PAPSS1: variants seen among roughly 807,000 people sequenced by gnomAD.
The protein encoded by PAPSS1 is 3'-phosphoadenosine 5'-phosphosulfate synthase 1, also known as bifunctional 3'-phosphoadenosine 5'-phosphosulfate synthase 1.
PAPSS1 carries 50 observed loss-of-function variants against 72.0 expected under a neutral mutation model. The observed-to-expected ratio is 0.69, with a 90% CI of 0.55 to 0.88. The LOEUF (loss-of-function observed/expected upper bound fraction) is 0.88. Ranked by LOEUF, PAPSS1 falls within the 40% of genes least tolerant of loss-of-function variation. The pLI is 0.00. For synonymous variants in PAPSS1, 261 were observed against 263.6 expected (o/e 0.99, Z 0.09); for missense variants, 657 against 782.2 (o/e 0.84, Z 1.91).
chr4:107,719,738 T>G, intron 1 of PAPSS1: 2 of 979,542 alleles, frequency 2.0e-6, no homozygotes, highest in Non-Finnish European at 2.5e-6. Context: ...TTCAGGCCAC[T>G]CCAAGGTATG....
At chr4:107,634,441 G>A (rs115919600) in intron 10 of PAPSS1, among the ~76,000 whole-genome samples, 4,557 of 152,224 alleles carry the variant, frequency 0.03, 218 homozygotes, top group African/African-American at 0.1. Flanking sequence ...GTGCATCTGA[G>A]GTTCATGCAA....
At chr4:107,663,296 T>C (rs3805344) in intron 5 of PAPSS1, among the ~76,000 whole-genome samples, 1 of 151,996 alleles carries the variant, frequency 6.6e-6, no homozygotes, top group African/African-American at 2.4e-5. Flanking sequence ...GAGGGCAAAG[T>C]CTTTTTATAT....
chr4:107,673,772 A>C (rs924675045), intron 5 of PAPSS1, among the ~76,000 whole-genome samples: 1 of 152,202 alleles, frequency 6.6e-6, no homozygotes, highest in African/African-American at 2.4e-5. Context: ...GAAATGAAGG[A>C]AAAAATGTTA....
At chr4:107,674,617 A>G (rs961335733) in intron 5 of PAPSS1, among the ~76,000 whole-genome samples, 1 of 147,634 alleles carries the variant, frequency 6.8e-6, no homozygotes, top group African/African-American at 2.5e-5. Flanking sequence ...AACATTAGAC[A>G]GATCCACGAG....
chr4:107,645,320 G>A (rs972769513), intron 9 of PAPSS1, among the ~76,000 whole-genome samples: 1 of 151,828 alleles, frequency 6.6e-6, no homozygotes. Flanking sequence ...TAACAATCAT[G>A]GATTTATAAG....
At chr4:107,624,301 A>G (rs1435749376) in intron 11 of PAPSS1, among the ~76,000 whole-genome samples, 1 of 152,240 alleles carries the variant, frequency 6.6e-6, no homozygotes, top group East Asian at 1.9e-4. Context: ...TTGGTCAAGC[A>G]AGTGCTAACT....
At chr4:107,629,066 A>C (rs1409086531) in intron 11 of PAPSS1, among the ~76,000 whole-genome samples, 2 of 152,230 alleles carry the variant, frequency 1.3e-5, no homozygotes, top group Admixed American at 1.3e-4. Flanking sequence ...TTTTTCACCA[A>C]AATAAACTCA....
chr4:107,700,427 G>C (rs1372925682), intron 2 of PAPSS1, among the ~76,000 whole-genome samples: 1 of 152,156 alleles, frequency 6.6e-6, no homozygotes, highest in Non-Finnish European at 1.5e-5. Context: ...CAAGACTCTA[G>C]GGAAACAATC....
chr4:107,709,168 A>G (rs563946039), intron 1 of PAPSS1, among the ~76,000 whole-genome samples: 109 of 152,358 alleles, frequency 7.2e-4, no homozygotes, highest in African/African-American at 2.5e-3. Flanking sequence ...GTTTTTAACA[A>G]TATTTTTCAT....
intron 6 of PAPSS1, 65 bp downstream of exon 6, chr4:107,659,894 C>T: frequency 1.1e-6 from 1 of 889,500 alleles, no homozygotes. Flanking sequence ...CTATAAGTCA[C>T]AAATTTAACA....
At chr4:107,648,869 A>T (rs1162005928) in intron 9 of PAPSS1, among the ~76,000 whole-genome samples, 2 of 152,124 alleles carry the variant, frequency 1.3e-5, no homozygotes, top group African/African-American at 4.8e-5. Context: ...TCTTTCTTTT[A>T]CTCAAACTGC....
intron 2 of PAPSS1, among the ~76,000 whole-genome samples, chr4:107,699,197 C>T (rs983159299): frequency 6.6e-6 from 1 of 151,572 alleles, no homozygotes; most frequent in African/African-American, 2.4e-5. Flanking sequence ...AATGCAATCC[C>T]AAACTAAATA....
chr4:107,660,932 G>A (rs1727163990), intron 5 of PAPSS1, among the ~76,000 whole-genome samples: 1 of 151,952 alleles, frequency 6.6e-6, no homozygotes, highest in African/African-American at 2.4e-5. Flanking sequence ...GCCAGACTGG[G>A]AGAAAAATAC....
rs1727786220 is a variant in PAPSS1 at position 107,680,847 on chromosome 4, C to G, written c.669+1168G>C. On this transcript the variant is annotated intron_variant, in intron 5 of 11. Transcript: ENST00000265174. Reference sequence around the variant, plus strand: ...CAGAGATGATGAAGCATAAAACCTCCTGGGATGTCTCAGTGGCCTGCAAAT... The same window carrying G: ...CAGAGATGATGAAGCATAAAACCTCGTGGGATGTCTCAGTGGCCTGCAAAT... Among the ~76,000 whole-genome samples, 4 of 152,172 alleles carry G rather than the reference C, an allele frequency of 2.6e-5. No homozygotes were observed. In the South Asian group the frequency reaches 8.3e-4, roughly 32 times the overall value.
At chr4:107,701,819 T>C (rs1203187004) in intron 1 of PAPSS1, among the ~76,000 whole-genome samples, 1 of 152,086 alleles carries the variant, frequency 6.6e-6, no homozygotes, top group Non-Finnish European at 1.5e-5. Flanking sequence ...AGTGCCTCTT[T>C]AGAGAGGATA....
Position 107,687,533 on chromosome 4 carries a change from G to A in PAPSS1, c.412-356C>T, listed in dbSNP as rs183791404. 1.7e-3 allele frequency among the ~76,000 whole-genome samples: 258 copies of A among 152,224 alleles called. 1 individual carries two copies. Among genetic ancestry groups the A allele is most frequent in the Non-Finnish European group, 2.6e-3 (180 of 68,022 alleles). ...CTAATATCACATTCAAACCCAGCCTGAGCTGGCATGAAAGCAATTTCACAA... is the reference window on the plus strand; with the variant it reads ...CTAATATCACATTCAAACCCAGCCTAAGCTGGCATGAAAGCAATTTCACAA... On this transcript the variant is annotated intron_variant, in intron 3 of 11. Coordinates refer to ENST00000265174, the MANE Select transcript of PAPSS1 (RefSeq NM_005443.5).
chr4:107,614,313 C>T lies in PAPSS1; in HGVS notation c.1811G>A (p.Gly604Asp). Residue 604 changes from glycine (G) to aspartate (D), a missense_variant, in exon 12 of 12, where the codon GGT becomes GAT. By Grantham distance (94) the Gly-to-Asp change is moderately conservative. Around this residue, in one of 7 missense-constraint regions of PAPSS1, gnomAD observed 103 missense variants for 93.8 expected, o/e 1.10. Transcript: ENST00000265174. The stretch of plus-strand genomic sequence containing the variant: ...GGTCCAAGCCTTGGGAGCCATGAAA[C>T]CTTCAGGTGGTTTCTGGCCTTCTCG... Reference protein sequence around the residue: ...LAREGQKPPEGFMAPKAWTVL... With the variant: ...LAREGQKPPEDFMAPKAWTVL... 6.2e-7 allele frequency: 1 copy of T among 1,614,002 alleles called. No homozygotes were observed. The highest frequency in any genetic ancestry group is 8.5e-7 in the Non-Finnish European group (1 of 1,179,892).
chr4:107,702,310 C>T (rs940577649), intron 1 of PAPSS1, among the ~76,000 whole-genome samples: 1 of 152,186 alleles, frequency 6.6e-6, no homozygotes, highest in Non-Finnish European at 1.5e-5. Context: ...CAAACAATCC[C>T]ATGCCTACAT....
chr4:107,670,649 G>C (rs926494894), intron 5 of PAPSS1, among the ~76,000 whole-genome samples: 1 of 152,020 alleles, frequency 6.6e-6, no homozygotes, highest in Non-Finnish European at 1.5e-5. Flanking sequence ...AGAGATCCTC[G>C]TGCCTCTGCC....
Sources: allele counts gnomAD v4.1 joint callset (sites outside exome capture counted in the v4.1 genomes callset), GRCh38; gene constraint gnomAD v4.1.1; regional missense constraint gnomAD v4.1.1; transcripts MANE v1.5; gene names NCBI Gene and HGNC (gene_info 2026-07-23, HGNC 2026-07-21).